CNTN4: variants seen among roughly 807,000 people sequenced by gnomAD.
The protein encoded by CNTN4 is contactin-4.
CNTN4 carries 77 observed loss-of-function variants against 122.5 expected under a neutral mutation model. The ratio of observed to expected loss-of-function variants is 0.63; its 90% CI spans 0.52 to 0.76. The LOEUF (loss-of-function observed/expected upper bound fraction) is 0.76, where lower values mean the gene tolerates loss of function less well. CNTN4 is among the 30% of genes least tolerant of loss of function. The probability of loss-of-function intolerance (pLI) is 0.00; values close to 1 mark genes in which losing one functional copy is unlikely to be tolerated. For synonymous variants in CNTN4, 512 were observed against 447.0 expected (o/e 1.15, Z -1.83); for missense variants, 1,256 against 1,259.1 (o/e 1.00, Z 0.04).
chr3:2,635,772 C>A (rs1312197211), intron 4 of CNTN4, among the ~76,000 whole-genome samples: 1 of 152,126 alleles, frequency 6.6e-6, no homozygotes, highest in African/African-American at 2.4e-5. Context: ...TAGAAACTGA[C>A]CCTCCCAGTC....
At chr3:2,734,973 A>G (rs943047279) in intron 4 of CNTN4, among the ~76,000 whole-genome samples, 7 of 152,230 alleles carry the variant, frequency 4.6e-5, no homozygotes, top group African/African-American at 1.4e-4. Flanking sequence ...AATTGAATAC[A>G]TTAAAAATTG....
chr3:2,462,273 G>GCTGGAA (rs770788127), intron 3 of CNTN4, among the ~76,000 whole-genome samples: 24 of 152,254 alleles, frequency 1.6e-4, no homozygotes, highest in Non-Finnish European at 2.5e-4. Flanking sequence ...GCAATTCTGG[G>GCTGGAA]CTGGAATGTT....
At chr3:2,606,374 C>T (rs535858406) in intron 4 of CNTN4, among the ~76,000 whole-genome samples, 5 of 152,122 alleles carry the variant, frequency 3.3e-5, no homozygotes, top group Admixed American at 3.3e-4. Flanking sequence ...TCAGGAAAAA[C>T]AGCTAACGCA....
In CNTN4 at chr3:2,736,260, C is replaced by G. The variant is rs774231861; in HGVS notation, c.101C>G (p.Pro34Arg). Residue 34 changes from proline (P) to arginine (R), a missense_variant, in exon 5 of 25, where the codon CCT becomes CGT. Transcript: ENST00000418658. ...CCGATTTTTATTCAAGAACCAAGTC[C>G]TGTAATGTTCCCTTTGGATTCTGAG... Reference protein sequence around the residue: ...HGPIFIQEPSPVMFPLDSEEK... With the variant: ...HGPIFIQEPSRVMFPLDSEEK... 13 of 1,613,508 alleles carry G rather than the reference C, an allele frequency of 8.1e-6. No individual in the cohort carries two copies. In the East Asian group the frequency reaches 2.9e-4, roughly 36 times the overall value.
chr3:2,975,056 A>T, intron 13 of CNTN4, among the ~76,000 whole-genome samples: 1 of 152,152 alleles, frequency 6.6e-6, no homozygotes, highest in East Asian at 1.9e-4. Flanking sequence ...GTGGTAAAGG[A>T]AGCTTCTGTG....
At chr3:2,367,399 A>G (rs189933020) in intron 3 of CNTN4, among the ~76,000 whole-genome samples, 1 of 152,366 alleles carries the variant, frequency 6.6e-6, no homozygotes, top group Non-Finnish European at 1.5e-5. Context: ...ACATGAAACG[A>G]AAAACACAAA....
intron 6 of CNTN4, among the ~76,000 whole-genome samples, chr3:2,765,738 G>T (rs1248563927): frequency 6.6e-6 from 1 of 152,140 alleles, no homozygotes; most frequent in Non-Finnish European, 1.5e-5. Context: ...CCTACAGATT[G>T]ATAAAGCAAG....
At chr3:2,533,287 C>G (rs933032009) in intron 3 of CNTN4, among the ~76,000 whole-genome samples, 1 of 151,974 alleles carries the variant, frequency 6.6e-6, no homozygotes, top group African/African-American at 2.4e-5. Flanking sequence ...CTCCCCCTCC[C>G]TCCACCCCAC....
At chr3:2,724,778 C>G (rs1227790999) in intron 4 of CNTN4, among the ~76,000 whole-genome samples, 1 of 152,130 alleles carries the variant, frequency 6.6e-6, no homozygotes, top group Non-Finnish European at 1.5e-5. Flanking sequence ...AACAGCAGTT[C>G]ACCCCAGAAG....
At chr3:2,729,402 G>C (rs540029482) in intron 4 of CNTN4, among the ~76,000 whole-genome samples, 1 of 150,036 alleles carries the variant, frequency 6.7e-6, no homozygotes, top group Non-Finnish European at 1.5e-5. Flanking sequence ...AAAATTAGCC[G>C]GGCGTGGTGG....
chr3:3,038,799 G>T lies in CNTN4; in HGVS notation c.2093-134G>T, dbSNP rs539520782. 3.1e-5 allele frequency: 21 copies of T among 687,020 alleles called. No individual in the cohort carries two copies. The African/African-American group carries it at 3.4e-4, about 11-fold the overall frequency. The allele number at this position is 687,020 out of a possible 1,614,324, so 42.6% of individuals were successfully genotyped here. ...TCGCCGTGGGCCCCTTGACAATGCT[G>T]TTGCTGATCTCCAGAGACAAAGGGG... On this transcript the variant is annotated intron_variant, in intron 18 of 24. Transcript: ENST00000418658.
At chr3:2,920,136 C>T (rs988508342) in intron 12 of CNTN4, among the ~76,000 whole-genome samples, 3 of 151,668 alleles carry the variant, frequency 2.0e-5, no homozygotes, top group African/African-American at 7.3e-5. Context: ...GCATGTAATA[C>T]TCAGCAGGAA....
intron 3 of CNTN4, among the ~76,000 whole-genome samples, chr3:2,477,895 A>G (rs1239277876): frequency 1.3e-5 from 2 of 152,210 alleles, no homozygotes; most frequent in African/African-American, 4.8e-5. Flanking sequence ...GCTGCTTAAT[A>G]AAAGGCTATT....
chr3:2,999,482 C>T (rs1695834313), intron 14 of CNTN4, among the ~76,000 whole-genome samples: 3 of 152,208 alleles, frequency 2.0e-5, no homozygotes, highest in Admixed American at 6.5e-5. Context: ...GCTTCTTTCT[C>T]ATGGCTCTCG....
At chr3:2,489,075 G>A (rs2076242579) in intron 3 of CNTN4, among the ~76,000 whole-genome samples, 1 of 151,972 alleles carries the variant, frequency 6.6e-6, no homozygotes, top group Non-Finnish European at 1.5e-5. Context: ...TTTTCTGTGA[G>A]TTTTTAATGT....
At chr3:2,853,592 T>C (rs1044545959) in intron 7 of CNTN4, among the ~76,000 whole-genome samples, 2 of 152,172 alleles carry the variant, frequency 1.3e-5, no homozygotes, top group African/African-American at 4.8e-5. Flanking sequence ...GAATATTTCT[T>C]CTGAGTAGAT....
intron 2 of CNTN4, among the ~76,000 whole-genome samples, chr3:2,250,793 A>G (rs995797830): frequency 2.0e-5 from 3 of 151,924 alleles, no homozygotes; most frequent in Admixed American, 6.6e-5. Context: ...GAGTGAAGAC[A>G]AAAGTAGACA....
intron 2 of CNTN4, among the ~76,000 whole-genome samples, chr3:2,230,494 G>T (rs2039443474): frequency 6.6e-6 from 1 of 152,112 alleles, no homozygotes; most frequent in Admixed American, 6.5e-5. Flanking sequence ...GGAAAATTTG[G>T]ACCCACATAA....
intron 4 of CNTN4, among the ~76,000 whole-genome samples, chr3:2,625,991 T>G (rs2082170365): frequency 6.6e-6 from 1 of 152,208 alleles, no homozygotes; most frequent in South Asian, 2.1e-4. Flanking sequence ...GTTTGACAAT[T>G]TGTTGAGTTT....
Sources: gnomAD v4.1 joint callset for allele counts (sites outside exome capture counted in the v4.1 genomes callset) on GRCh38, gnomAD v4.1.1 for gene constraint, MANE v1.5 for transcripts, NCBI Gene and HGNC (gene_info 2026-07-23, HGNC 2026-07-21) for gene names.